Variants in TESK2 observed in about 807,000 individuals in gnomAD.
TESK2 encodes the protein testis associated actin remodelling kinase 2.
In TESK2, 39 loss-of-function variants were observed where a neutral mutation model predicts 57.1. The observed-to-expected ratio is 0.68, with a 90% CI of 0.53 to 0.89. The LOEUF is 0.89. Among genes scored for constraint, TESK2 ranks in the 40% least tolerant of loss-of-function variants. The pLI is 0.00. For synonymous variants in TESK2, 249 were observed against 267.9 expected, an observed-to-expected ratio of 0.93 and a Z score of 0.69; for missense variants, 646 against 732.1, an observed-to-expected ratio of 0.88 and a Z score of 1.36.
Position 45,385,976 on chromosome 1 carries a change from G to C in TESK2, c.345-16C>G. 1 of 1,590,164 alleles carries C rather than the reference G, an allele frequency of 6.3e-7. No individual in the cohort carries two copies. On this transcript the variant is annotated splice_polypyrimidine_tract_variant and intron_variant, in intron 3 of 10. Transcript: ENST00000372086. ...ACCCATGAACCTAAAGAACAAGACA[G>C]AATTATTTAACAAGTGAAAAGGACA...
chr1:45,402,418 A>G (rs1649666127), intron 3 of TESK2, among the ~76,000 whole-genome samples: 2 of 151,122 alleles, frequency 1.3e-5, no homozygotes, highest in Admixed American at 1.3e-4. Context: ...AAAGAAAAAG[A>G]AAAAAGAAAA....
chr1:45,373,357 T>C (rs985522319), intron 4 of TESK2, among the ~76,000 whole-genome samples: 4 of 152,130 alleles, frequency 2.6e-5, no homozygotes, highest in African/African-American at 9.7e-5. Context: ...GGAAAAGGGA[T>C]AGATTAGGGA....
At chr1:45,432,316 T>A (rs975040824) in intron 2 of TESK2, among the ~76,000 whole-genome samples, 1 of 151,970 alleles carries the variant, frequency 6.6e-6, no homozygotes, top group Non-Finnish European at 1.5e-5. Context: ...ATTACAGGTG[T>A]GAGCCACTAC....
chr1:45,353,474 G>A lies in TESK2; in HGVS notation c.540+1829C>T, dbSNP rs571373737. Among the ~76,000 whole-genome samples, 3 of 152,260 alleles carry A rather than the reference G, an allele frequency of 2.0e-5. No homozygotes were observed. The South Asian group carries it at 6.2e-4, about 32-fold the overall frequency. On this transcript the variant is annotated intron_variant, in intron 5 of 10. Coordinates refer to ENST00000372086, the MANE Select transcript of TESK2 (RefSeq NM_007170.3). ...AGGCATCCAGGTACTTACTGCTTTA[G>A]GCTTTATTGACTCAGTACTGCTGCT...
intron 1 of TESK2, among the ~76,000 whole-genome samples, chr1:45,467,279 G>A (rs1455803742): frequency 6.6e-6 from 1 of 151,442 alleles, no homozygotes; most frequent in Non-Finnish European, 1.5e-5. Flanking sequence ...TTAATTCTGG[G>A]TGTTATTTAT....
intron 1 of TESK2, among the ~76,000 whole-genome samples, chr1:45,490,281 G>A (rs1017188945): frequency 6.6e-6 from 1 of 152,186 alleles, no homozygotes; most frequent in African/African-American, 2.4e-5. Context: ...TTCGCTTGTA[G>A]CGAAATCTGA....
rs981246787 is a variant in TESK2 at position 45,348,023 on chromosome 1, G to T, written c.541-23C>A. 5 of 1,515,054 alleles carry T rather than the reference G, an allele frequency of 3.3e-6. No homozygotes were observed. In the East Asian group the frequency reaches 1.1e-4, roughly 34 times the overall value. The allele number at this position is 1,515,054 out of a possible 1,614,324, so 93.9% of individuals were successfully genotyped here. A position where few individuals can be genotyped will look rare whatever the true frequency, so the allele number is the denominator to read the frequency against. On this transcript the variant is annotated intron_variant, in intron 5 of 10. Coordinates refer to ENST00000372086, the MANE Select transcript of TESK2 (RefSeq NM_007170.3). ...GTTCTAGGGTTCCCAGGAAGGAAGA[G>T]AAAATAATGTGGCTCAGAAGCGGGG...
At chr1:45,474,544 C>T (rs965122292) in intron 1 of TESK2, among the ~76,000 whole-genome samples, 2 of 152,006 alleles carry the variant, frequency 1.3e-5, no homozygotes, top group African/African-American at 4.8e-5. Context: ...ATGATCTCAG[C>T]TCAGTGCAAT....
intron 4 of TESK2, among the ~76,000 whole-genome samples, chr1:45,384,413 AT>A (rs1648792370): frequency 1.3e-5 from 2 of 150,922 alleles, no homozygotes; most frequent in Non-Finnish European, 2.9e-5. Flanking sequence ...CTATCTATCT[AT>A]CTATCTATCT....
intron 1 of TESK2, among the ~76,000 whole-genome samples, chr1:45,477,116 C>A (rs1384844453): frequency 6.8e-6 from 1 of 147,952 alleles, no homozygotes; most frequent in Non-Finnish European, 1.5e-5. Flanking sequence ...GTAATTCCAG[C>A]TACTGAGGAG....
At chr1:45,360,736 T>C (rs1396339489) in intron 4 of TESK2, among the ~76,000 whole-genome samples, 1 of 152,258 alleles carries the variant, frequency 6.6e-6, no homozygotes, top group African/African-American at 2.4e-5. Context: ...GATAAGCCTG[T>C]AGGCCCTCAG....
At chr1:45,448,260 A>G (rs1034685157) in intron 2 of TESK2, among the ~76,000 whole-genome samples, 11 of 150,926 alleles carry the variant, frequency 7.3e-5, no homozygotes, top group Non-Finnish European at 1.5e-4. Flanking sequence ...AAAAAAGAAA[A>G]AAGAAAAAGA....
chr1:45,386,560 G>C (rs1210290310), intron 3 of TESK2, among the ~76,000 whole-genome samples: 1 of 151,980 alleles, frequency 6.6e-6, no homozygotes, highest in South Asian at 2.1e-4. Flanking sequence ...GGGTACAGGT[G>C]GTTTTTGGTT....
At chr1:45,365,435 T>A (rs1647872164) in intron 4 of TESK2, among the ~76,000 whole-genome samples, 1 of 152,224 alleles carries the variant, frequency 6.6e-6, no homozygotes, top group Non-Finnish European at 1.5e-5. Context: ...ACTCTTGGCC[T>A]TCATATATGC....
At chr1:45,347,845 G>A in intron 6 of TESK2, 73 bp downstream of exon 6, 1 of 1,452,010 alleles carries the variant, frequency 6.9e-7, no homozygotes, top group Non-Finnish European at 9.7e-7. Context: ...TGGCCTCTGG[G>A]GAGGAGGCTA....
chr1:45,444,881 C>A (rs545337976), intron 2 of TESK2, among the ~76,000 whole-genome samples: 2 of 152,234 alleles, frequency 1.3e-5, no homozygotes, highest in African/African-American at 4.8e-5. Context: ...AAACTAACCC[C>A]CTGCTTGCTT....
intron 4 of TESK2, among the ~76,000 whole-genome samples, chr1:45,381,935 C>T (rs566496052): frequency 6.9e-6 from 1 of 145,760 alleles, no homozygotes; most frequent in East Asian, 2.0e-4. Context: ...ACAATCATGG[C>T]TCATTGCATT....
At chr1:45,488,086 T>C (rs1338700023) in intron 1 of TESK2, among the ~76,000 whole-genome samples, 1 of 151,980 alleles carries the variant, frequency 6.6e-6, no homozygotes, top group Non-Finnish European at 1.5e-5. Flanking sequence ...GCTAATTTTT[T>C]AATTTTCTGT....
chr1:45,456,136 G>A (rs1270458685), intron 2 of TESK2, among the ~76,000 whole-genome samples: 2 of 152,014 alleles, frequency 1.3e-5, no homozygotes, highest in Non-Finnish European at 2.9e-5. Flanking sequence ...CAAGACTGCA[G>A]TAAGCCATGA....
Sources: gnomAD v4.1 joint callset for allele counts (sites outside exome capture counted in the v4.1 genomes callset) on GRCh38, gnomAD v4.1.1 for gene constraint, MANE v1.5 for transcripts, NCBI Gene and HGNC (gene_info 2026-07-23, HGNC 2026-07-21) for gene names.